The following DDX19B variants were observed in gnomAD, a reference collection of about 807,000 sequenced individuals.
DDX19B encodes DEAD-box helicase 19B, also known as ATP-dependent RNA helicase DDX19B.
Under a neutral mutation model 58.1 loss-of-function variants are expected in DDX19B, and 27 were observed. That is an observed-to-expected ratio of 0.46 (90% CI 0.34 to 0.64). DDX19B has a LOEUF of 0.64. Ranked by LOEUF, DDX19B falls within the 30% of genes least tolerant of loss-of-function variation. DDX19B has a pLI of 0.01. For missense variants in DDX19B, 399 were observed against 596.5 expected (o/e 0.67, Z 3.45); for synonymous variants, 187 against 214.4 (o/e 0.87, Z 1.12).
chr16:70,328,939 G>A lies in DDX19B; in HGVS notation c.608-353G>A, dbSNP rs536522109. Among the ~76,000 whole-genome samples, 290 of 151,634 alleles carry A rather than the reference G, an allele frequency of 1.9e-3. 5 individuals are homozygous for A. Among genetic ancestry groups the A allele is most frequent in the African/African-American group, 6.8e-3 (280 of 41,390 alleles). The stretch of plus-strand genomic sequence containing the variant: ...TGCCTTTGAAATACCCATGGAGGCC[G>A]GGCACGGTGGCTCATGCCTGTAATC... On this transcript the variant is annotated intron_variant, in intron 7 of 11. Transcript: ENST00000288071.
rs542496882 is a variant in DDX19B, at chr16:70,334,383, T to C, written c.*801T>C. 6.6e-6 allele frequency: 1 copy of C among 152,282 alleles called. No individual in the cohort carries two copies. Among genetic ancestry groups the C allele is most frequent in the South Asian group, 2.1e-4 (1 of 4,818 alleles). The allele number at this position is 152,282 out of a possible 1,614,324, so 9.4% of individuals were successfully genotyped here. A position where few individuals can be genotyped will look rare whatever the true frequency, so the allele number is the denominator to read the frequency against. ...CACAAAACCTGGTCTCATGAGCATT[T>C]GCAACATCCCTTTTACATCCTTAAT... On this transcript the variant is annotated 3_prime_UTR_variant, in exon 12 of 12. Coordinates refer to ENST00000288071, the MANE Select transcript of DDX19B (RefSeq NM_007242.7).
At chr16:70,314,444 C>T (rs529688913) in intron 2 of DDX19B, among the ~76,000 whole-genome samples, 45 of 152,100 alleles carry the variant, frequency 3.0e-4, no homozygotes, top group African/African-American at 1.0e-3. Context: ...AGGCGGATCA[C>T]GAGGTCAAGA....
intron 8 of DDX19B, 151 bp downstream of exon 8, chr16:70,329,620 G>A (rs1007720340): frequency 2.2e-6 from 3 of 1,339,780 alleles, no homozygotes; most frequent in Middle Eastern, 2.6e-4. Flanking sequence ...TGTCAGCGCT[G>A]GCCACAGTCC....
chr16:70,310,706 C>T (rs1188155995), intron 1 of DDX19B, among the ~76,000 whole-genome samples: 1 of 152,022 alleles, frequency 6.6e-6, no homozygotes, highest in African/African-American at 2.4e-5. Context: ...TGCTGGGGTC[C>T]AAGACTTACA....
chr16:70,312,556 CT>C (rs1261301146), intron 1 of DDX19B, 52 bp from the exon 2 acceptor site: 3 of 1,535,626 alleles, frequency 2.0e-6, no homozygotes, highest in Non-Finnish European at 2.7e-6. Context: ...GATTCCAAAT[CT>C]TTTTAAGTGC....
rs1173098731 is a variant in DDX19B at position 70,329,989 on chromosome 16, G to A, written c.944G>A (p.Ser315Asn). The A allele has an allele frequency of 1.9e-6, 3 of 1,614,082 alleles. No individual in the cohort carries two copies. The African/African-American group carries it at 4.0e-5, about 22-fold the overall frequency. The change falls in exon 9 of 12, where the codon AGC becomes AAC. Residue 315 changes from serine (S) to asparagine (N), a missense_variant. Transcript: ENST00000288071. ...DTIKQYYVLC[S>N]SRDEKFQALC... ...ATCAAGCAGTACTATGTCCTGTGCAGCAGCAGAGACGAGAAGTTCCAGGCC... is the reference window on the plus strand; with the variant it reads ...ATCAAGCAGTACTATGTCCTGTGCAACAGCAGAGACGAGAAGTTCCAGGCC...
At chr16:70,310,504 T>C (rs888642131) in intron 1 of DDX19B, among the ~76,000 whole-genome samples, 1 of 152,054 alleles carries the variant, frequency 6.6e-6, no homozygotes, top group African/African-American at 2.4e-5. Context: ...ATCATGCCAC[T>C]GCACCACTCC....
In DDX19B at chr16:70,319,427, T is replaced by A. The variant is rs77584412; in HGVS notation, c.389+1839T>A. On this transcript the variant is annotated intron_variant, in intron 5 of 11. Coordinates refer to ENST00000288071, the MANE Select transcript of DDX19B (RefSeq NM_007242.7). ...AGTGGGGACTGAGTGTCAACATTTC[T>A]AATAAGCTTGCAGGTGATGCTGATG... 1.1e-3 allele frequency among the ~76,000 whole-genome samples: 168 copies of A among 152,286 alleles called. 5 individuals carry two copies. In the East Asian group the frequency reaches 0.027, roughly 24 times the overall value.
At chr16:70,332,890 T>C in intron 10 of DDX19B, 78 bp from the exon 11 acceptor site, 3 of 1,612,944 alleles carry the variant, frequency 1.9e-6, no homozygotes, top group Non-Finnish European at 2.5e-6. Context: ...TGAGTCATGC[T>C]CCATTGTATG....
chr16:70,305,185 T>A (rs1961692288), intron 1 of DDX19B, among the ~76,000 whole-genome samples: 1 of 152,160 alleles, frequency 6.6e-6, no homozygotes, highest in Non-Finnish European at 1.5e-5. Context: ...TCCTGAGAAC[T>A]TTCCTCCCGG....
rs752410257 is a variant in DDX19B at position 70,332,972 on chromosome 16, T to G, written c.1191T>G (p.Ile397Met). 6.2e-7 allele frequency: 1 copy of G among 1,613,728 alleles called. No homozygotes were observed. The highest frequency in any genetic ancestry group is 8.5e-7 in the Non-Finnish European group (1 of 1,179,886). The change falls in exon 11 of 12, where the codon ATT (isoleucine) becomes ATG (methionine). Residue 397 changes from isoleucine to methionine, a missense_variant. This residue lies in a region of DDX19B where 198 missense variants were observed against 345.9 expected (regional missense o/e 0.57). Transcript: ENST00000288071. ...LVTTNVCARG[I>M]DVEQVSVVIN... ...CTCCAACTCTCCTTCCTGCAGGCAT[T>G]GATGTTGAACAAGTGTCTGTCGTCA...
chr16:70,319,147 A>C (rs939248538), intron 5 of DDX19B, among the ~76,000 whole-genome samples: 1 of 152,192 alleles, frequency 6.6e-6, no homozygotes, highest in East Asian at 1.9e-4. Context: ...AATGTTTTAC[A>C]TGCTGTGTTT....
upstream of DDX19B, among the ~76,000 whole-genome samples, chr16:70,298,160 C>T (rs913577794): frequency 6.6e-6 from 1 of 152,186 alleles, no homozygotes; most frequent in African/African-American, 2.4e-5. Context: ...GTAATCCCAG[C>T]ACTTTGGGAG....
At chr16:70,306,674 A>G (rs1397941210) in intron 1 of DDX19B, among the ~76,000 whole-genome samples, 1 of 152,204 alleles carries the variant, frequency 6.6e-6, no homozygotes, top group East Asian at 1.9e-4. Context: ...TAGCCATTTT[A>G]TTAACCTTAC....
At chr16:70,314,629 A>G (rs190515068) in intron 2 of DDX19B, among the ~76,000 whole-genome samples, 2 of 152,218 alleles carry the variant, frequency 1.3e-5, no homozygotes, top group African/African-American at 4.8e-5. Context: ...GCACCACTGC[A>G]CTCCAGCCTG....
intron 2 of DDX19B, 70 bp from the exon 3 acceptor site, chr16:70,314,832 G>A (rs1380680570): frequency 6.4e-7 from 1 of 1,558,994 alleles, no homozygotes; most frequent in African/African-American, 1.4e-5. Flanking sequence ...TAGTGTCATA[G>A]AATTTGAATT....
At chr16:70,294,644 A>C (rs748605227), upstream of DDX19B, 17 of 432,372 alleles carry the variant, frequency 3.9e-5, no homozygotes, top group Non-Finnish European at 1.6e-5. Flanking sequence ...AGGAAGCCAG[A>C]CATTTAGCAG....
chr16:70,310,925 G>A (rs1052696970), intron 1 of DDX19B, among the ~76,000 whole-genome samples: 10 of 151,658 alleles, frequency 6.6e-5, no homozygotes, highest in South Asian at 2.1e-4. Context: ...CAGCTACTCC[G>A]GAGGCTGAGG....
chr16:70,335,214 CTTTT>C lies in DDX19B; in HGVS notation c.*1635_*1638del, dbSNP rs1318112554. On this transcript the variant is annotated 3_prime_UTR_variant, in exon 12 of 12. Transcript: ENST00000288071. ...TGTAATAAGAAAAGAAATTTTTATACTTTTTTCTCCTTCCCTGAGTCCTGTGGAC... is the reference window on the plus strand; with the variant it reads ...TGTAATAAGAAAAGAAATTTTTATACTTCTCCTTCCCTGAGTCCTGTGGAC... 1.3e-5 allele frequency: 2 copies of C among 152,164 alleles called. No homozygotes were observed. The highest frequency in any genetic ancestry group is 4.8e-5 in the African/African-American group (2 of 41,424). The allele number at this position is 152,164 out of a possible 1,614,324, so 9.4% of individuals were successfully genotyped here.
Sources: allele counts gnomAD v4.1 joint callset (sites outside exome capture counted in the v4.1 genomes callset), GRCh38; gene constraint gnomAD v4.1.1; regional missense constraint gnomAD v4.1.1; transcripts MANE v1.5; gene names NCBI Gene and HGNC (gene_info 2026-07-23, HGNC 2026-07-21).